Variants in DCLRE1B observed in about 807,000 individuals in gnomAD.
DCLRE1B encodes DNA cross-link repair 1B.
In DCLRE1B, 6 loss-of-function variants were observed where a neutral mutation model predicts 19.8. That is an observed-to-expected ratio of 0.30 (90% CI 0.17 to 0.60). DCLRE1B has a LOEUF of 0.60. Ranked by LOEUF, DCLRE1B falls within the 20% of genes least tolerant of loss-of-function variation. The pLI is 0.87. For synonymous variants in DCLRE1B, 258 were observed against 255.7 expected, an observed-to-expected ratio of 1.01 and a Z score of -0.09; for missense variants, 622 against 654.2, an observed-to-expected ratio of 0.95 and a Z score of 0.54.
chr1:113,910,911 C>G (rs1230426350), intron 3 of DCLRE1B, among the ~76,000 whole-genome samples: 2 of 152,202 alleles, frequency 1.3e-5, no homozygotes, highest in South Asian at 4.1e-4. Flanking sequence ...CTGAAACTTG[C>G]TAGATGCTCT....
intron 1 of DCLRE1B, 87 bp downstream of exon 1, chr1:113,905,862 G>A: frequency 7.0e-7 from 1 of 1,424,596 alleles, no homozygotes; most frequent in Non-Finnish European, 9.4e-7. Context: ...ATAGAATGGG[G>A]GCCACGAAAA....
Position 113,912,415 on chromosome 1 carries a change from T to A in DCLRE1B, c.*224T>A. On this transcript the variant is annotated 3_prime_UTR_variant, in exon 4 of 4. Transcript: ENST00000650450. ...CTAAGTTTAAGAAATACTTTTTTTA[T>A]AAAATCTTTGGAGTATGCGTGAGCA... 1 of 467,308 alleles carries A rather than the reference T, an allele frequency of 2.1e-6. No individual in the cohort carries two copies. Among genetic ancestry groups the A allele is most frequent in the Non-Finnish European group, 3.7e-6 (1 of 267,214 alleles). 28.9% of individuals were successfully genotyped at this position (467,308 alleles called of 1,614,324 possible).
chr1:113,905,083 C>G (rs921209040), upstream of DCLRE1B: 5 of 374,846 alleles, frequency 1.3e-5, no homozygotes, highest in Admixed American at 1.9e-4. Flanking sequence ...CCACGCCGTT[C>G]TCATCGCGGA....
chr1:113,904,766 G>A (rs1375969296), upstream of DCLRE1B: 3 of 1,503,332 alleles, frequency 2.0e-6, no homozygotes, highest in South Asian at 1.1e-5. Context: ...GGTAACTCGA[G>A]GGCTCCTTCT....
chr1:113,910,663 ATTTG>A (rs1468667543), intron 3 of DCLRE1B, among the ~76,000 whole-genome samples: 1 of 151,786 alleles, frequency 6.6e-6, no homozygotes, highest in Non-Finnish European at 1.5e-5. Context: ...CAACATGCTT[ATTTG>A]TTTATTTTTG....
In DCLRE1B at chr1:113,912,145, C is replaced by T; in HGVS notation, c.1553C>T (p.Ser518Phe). 1 of 1,614,064 alleles carries T rather than the reference C, an allele frequency of 6.2e-7. No individual in the cohort carries two copies. The change falls in exon 4 of 4, where the codon TCC (serine) becomes TTC (phenylalanine). Residue 518 changes from serine to phenylalanine, a missense_variant. Around this residue, in one of 3 missense-constraint regions of DCLRE1B, gnomAD observed 382 missense variants for 412.5 expected, o/e 0.93. Transcript: ENST00000650450. ...PVNFFQAGYSSRRFDQQVEKY... is the reference protein window; with the variant it reads ...PVNFFQAGYSFRRFDQQVEKY... ...AACTTTTTCCAGGCAGGGTATTCTT[C>T]CAGGAGATTTGACCAGCAAGTGGAA...
Position 113,912,307 on chromosome 1 carries a change from C to T in DCLRE1B, c.*116C>T. 9.4e-7 allele frequency: 1 copy of T among 1,061,868 alleles called. No individual in the cohort carries two copies. The highest frequency in any genetic ancestry group is 1.3e-6 in the Non-Finnish European group (1 of 756,650). The allele number at this position is 1,061,868 out of a possible 1,614,324, so 65.8% of individuals were successfully genotyped here. Reference sequence around the variant, plus strand: ...GGCCTACTTTTCTATCTTTACAAGACTCTTATGGGCCCACCGTGGAGCAGC... The same window carrying T: ...GGCCTACTTTTCTATCTTTACAAGATTCTTATGGGCCCACCGTGGAGCAGC... On this transcript the variant is annotated 3_prime_UTR_variant, in exon 4 of 4. Transcript: ENST00000650450.
rs144715478 is a variant in DCLRE1B, at chr1:113,907,894, T to A, written c.356-115T>A. The A allele has an allele frequency of 2.0e-3, 2,301 of 1,156,232 alleles. 13 individuals carry two copies. The highest frequency in any genetic ancestry group is 1.5e-3 in the Non-Finnish European group (1,243 of 813,250). 71.6% of individuals were successfully genotyped at this position (1,156,232 alleles called of 1,614,324 possible). ...CTGCCTAGTTCAGTGCCAGGCTACA[T>A]AATAGTTTTTTCACAGACTAGTAAG... On this transcript the variant is annotated intron_variant, in intron 2 of 3. Coordinates refer to ENST00000650450, the MANE Select transcript of DCLRE1B (RefSeq NM_022836.4).
Position 113,905,491 on chromosome 1 carries a change from C to G in DCLRE1B, c.-96C>G. 10 of 1,308,022 alleles carry G rather than the reference C, an allele frequency of 7.6e-6. No individual in the cohort carries two copies. Among genetic ancestry groups the G allele is most frequent in the Non-Finnish European group, 1.1e-5 (10 of 924,558 alleles). 81.0% of individuals were successfully genotyped at this position (1,308,022 alleles called of 1,614,324 possible). ...TAGGGTCTCTGGCCCTGTTCTTGCC[C>G]CAGCATGACTTTTATCGGGACGCCG... On this transcript the variant is annotated 5_prime_UTR_variant, in exon 1 of 4. Transcript: ENST00000650450.
chr1:113,904,824 T>C (rs1668770128), upstream of DCLRE1B: 3 of 1,008,286 alleles, frequency 3.0e-6, no homozygotes, highest in Non-Finnish European at 4.7e-6. Context: ...TCAGTGAAAA[T>C]ACAAAAGGCG....
intron 3 of DCLRE1B, among the ~76,000 whole-genome samples, chr1:113,910,803 A>G (rs575688869): frequency 1.3e-5 from 2 of 152,278 alleles, no homozygotes; most frequent in Admixed American, 6.5e-5. Context: ...GCCTGTACAC[A>G]TATCTTTAAC....
At chr1:113,907,911 A>G (rs1435388943) in intron 2 of DCLRE1B, 98 bp from the exon 3 acceptor site, 3 of 1,356,298 alleles carry the variant, frequency 2.2e-6, no homozygotes, top group East Asian at 2.3e-5. Flanking sequence ...TTTTTCACAG[A>G]CTAGTAAGCA....
At chr1:113,906,969 C>T in intron 1 of DCLRE1B, 27 bp from the exon 2 acceptor site, 1 of 1,612,744 alleles carries the variant, frequency 6.2e-7, no homozygotes, top group African/African-American at 1.3e-5. Context: ...AGTCAGTGGT[C>T]ACTGGGATGA....
intron 3 of DCLRE1B, 112 bp downstream of exon 3, chr1:113,908,303 C>T: frequency 7.1e-7 from 1 of 1,404,048 alleles, no homozygotes; most frequent in Non-Finnish European, 9.6e-7. Flanking sequence ...CTACACTGAC[C>T]ACCTTATTTA....
rs759237405 is a variant in DCLRE1B at position 113,906,952 on chromosome 1, G to C, written c.190-44G>C. On this transcript the variant is annotated intron_variant, in intron 1 of 3. Transcript: ENST00000650450. ...ATAGTCCCTGACCCGGGGAGGTAAC[G>C]GAGAGGAGTCAGTGGTCACTGGGAT... 4 of 1,608,452 alleles carry C rather than the reference G, an allele frequency of 2.5e-6. No homozygotes were observed. In the South Asian group the frequency reaches 4.4e-5, roughly 18 times the overall value.
In DCLRE1B at chr1:113,914,066, C is replaced by G. The variant is rs944785338; in HGVS notation, c.*1875C>G. Reference sequence around the variant, plus strand: ...ACTGTTTTTCTAATTACATATATTACAATGAACAACCTTATGCATATATTT... The same window carrying G: ...ACTGTTTTTCTAATTACATATATTAGAATGAACAACCTTATGCATATATTT... On this transcript the variant is annotated 3_prime_UTR_variant, in exon 4 of 4. Coordinates refer to ENST00000650450, the MANE Select transcript of DCLRE1B (RefSeq NM_022836.4). The G allele has an allele frequency of 6.6e-6, 1 of 152,168 alleles. No homozygotes were observed. The highest frequency in any genetic ancestry group is 2.4e-5 in the African/African-American group (1 of 41,448). 9.4% of individuals were successfully genotyped at this position (152,168 alleles called of 1,614,324 possible). A position where few individuals can be genotyped will look rare whatever the true frequency, so the allele number is the denominator to read the frequency against.
chr1:113,908,753 GCTTA>G (rs1669139529), intron 3 of DCLRE1B, among the ~76,000 whole-genome samples: 1 of 151,690 alleles, frequency 6.6e-6, no homozygotes, highest in Admixed American at 6.6e-5. Context: ...ATATGCTATT[GCTTA>G]CTTGTTGTCT....
chr1:113,913,925 T>C lies in DCLRE1B; in HGVS notation c.*1734T>C, dbSNP rs1448233466. On this transcript the variant is annotated 3_prime_UTR_variant, in exon 4 of 4. Transcript: ENST00000650450. ...TAGCCTACATTTTAATTTCTTGATA[T>C]CTTAAGCATTTCACTTATTAGATAT... 6.6e-6 allele frequency: 1 copy of C among 152,230 alleles called. No individual in the cohort carries two copies. The highest frequency in any genetic ancestry group is 1.9e-4 in the East Asian group (1 of 5,198). The allele number at this position is 152,230 out of a possible 1,614,324, so 9.4% of individuals were successfully genotyped here.
Position 113,905,723 on chromosome 1 carries a change from G to T in DCLRE1B, c.137G>T (p.Arg46Leu), listed in dbSNP as rs28381069. The change falls in exon 1 of 4, where the codon CGG becomes CTG. Residue 46 changes from arginine (R) to leucine (L), a missense_variant. Physicochemically the swap from Arg to Leu is moderately radical, Grantham distance 102. Transcript: ENST00000650450. The stretch of plus-strand genomic sequence containing the variant: ...GTGGGCCTGTCTAGCACCTGGGCCC[G>T]GCCCCTCTACTGCTCCCCAATTACA... Reference protein sequence around the residue: ...HTVGLSSTWARPLYCSPITAH... With the variant: ...HTVGLSSTWALPLYCSPITAH... The T allele has an allele frequency of 8.7e-5, 141 of 1,614,130 alleles. No individual in the cohort carries two copies. The African/African-American group carries it at 1.5e-3, about 17-fold the overall frequency.
Sources: gnomAD v4.1 joint callset for allele counts (sites outside exome capture counted in the v4.1 genomes callset) on GRCh38, gnomAD v4.1.1 for gene constraint, gnomAD v4.1.1 regional missense constraint, MANE v1.5 for transcripts, NCBI Gene and HGNC (gene_info 2026-07-23, HGNC 2026-07-21) for gene names.